Variants in SCN4B observed in about 807,000 individuals in gnomAD.
SCN4B encodes the protein sodium voltage-gated channel beta subunit 4, also known as sodium channel regulatory subunit beta-4.
Under a neutral mutation model 19.6 loss-of-function variants are expected in SCN4B, and 20 were observed. The ratio of observed to expected loss-of-function variants is 1.02; its 90% confidence interval spans 0.72 to 1.48. The LOEUF (loss-of-function observed/expected upper bound fraction) is 1.48, where lower values mean the gene tolerates loss of function less well. SCN4B is among the 40% of genes most tolerant of loss of function. The probability of loss-of-function intolerance (pLI) is 0.00; values close to 1 mark genes in which losing one functional copy is unlikely to be tolerated. For missense variants in SCN4B, 271 were observed against 287.5 expected (o/e 0.94, Z 0.42); for synonymous variants, 127 against 122.8 (o/e 1.03, Z -0.22).
intron 3 of SCN4B, 70 bp from the exon 4 acceptor site, chr11:118,141,406 G>A (rs1164867039): frequency 1.1e-5 from 18 of 1,599,116 alleles, no homozygotes; most frequent in Admixed American, 8.4e-5. Context: ...GCCGAGAACT[G>A]TGGCAGTGCA....
chr11:118,135,328 G>A lies in SCN4B; in HGVS notation c.*1699C>T, dbSNP rs576828422. On this transcript the variant is annotated 3_prime_UTR_variant, in exon 5 of 5. Coordinates refer to ENST00000324727, the MANE Select transcript of SCN4B (RefSeq NM_174934.4). The stretch of plus-strand genomic sequence containing the variant: ...CAGTCTCCCCCCACTCCACCCTTGC[G>A]AGGCTTGCAGCTGCTTTTTGACAGG... 157 of 454,080 alleles carry A rather than the reference G, an allele frequency of 3.5e-4. No homozygotes were observed. The highest frequency in any genetic ancestry group is 2.7e-3 in the African/African-American group (135 of 50,114). 28.1% of individuals were successfully genotyped at this position (454,080 alleles called of 1,614,324 possible).
In SCN4B at chr11:118,134,861, T is replaced by C. The variant is rs774984267; in HGVS notation, c.*2166A>G. On this transcript the variant is annotated 3_prime_UTR_variant, in exon 5 of 5. Transcript: ENST00000324727. Reference sequence around the variant, plus strand: ...CAAGCCTCACAACAGTCCTGTGAGGTAGGTAAGTATTATTACACCCATTTG... The same window carrying C: ...CAAGCCTCACAACAGTCCTGTGAGGCAGGTAAGTATTATTACACCCATTTG... 5.1e-5 allele frequency: 23 copies of C among 453,878 alleles called. No individual in the cohort carries two copies. The highest frequency in any genetic ancestry group is 9.3e-5 in the Non-Finnish European group (21 of 226,778). 28.1% of individuals were successfully genotyped at this position (453,878 alleles called of 1,614,324 possible).
In SCN4B at chr11:118,135,153, A is replaced by G. The variant is rs1210274702; in HGVS notation, c.*1874T>C. 2.2e-6 allele frequency: 1 copy of G among 454,012 alleles called. No homozygotes were observed. Among genetic ancestry groups the G allele is most frequent in the Non-Finnish European group, 4.4e-6 (1 of 226,798 alleles). 28.1% of individuals were successfully genotyped at this position (454,012 alleles called of 1,614,324 possible). A position where few individuals can be genotyped will look rare whatever the true frequency, so the allele number is the denominator to read the frequency against. Reference sequence around the variant, plus strand: ...CTCTGGTCTGTCTGCTCCCAAAGCCAGGAAAATCTGAGCCCCAGCCCATGA... The same window carrying G: ...CTCTGGTCTGTCTGCTCCCAAAGCCGGGAAAATCTGAGCCCCAGCCCATGA... On this transcript the variant is annotated 3_prime_UTR_variant, in exon 5 of 5. Transcript: ENST00000324727.
intron 1 of SCN4B, among the ~76,000 whole-genome samples, 159 bp downstream of exon 1, chr11:118,152,454 A>G (rs1948243326): frequency 1.3e-5 from 2 of 152,182 alleles, no homozygotes; most frequent in Admixed American, 1.3e-4. Context: ...AGCACAGCCT[A>G]TGAACCAGGC....
intron 1 of SCN4B, among the ~76,000 whole-genome samples, chr11:118,151,154 C>T (rs1191048339): frequency 7.1e-6 from 1 of 140,622 alleles, no homozygotes; most frequent in Non-Finnish European, 1.5e-5. Flanking sequence ...ACACACACAT[C>T]ATTTTCAGGG....
chr11:118,146,065 G>C (rs1441609790), intron 1 of SCN4B, among the ~76,000 whole-genome samples: 1 of 151,944 alleles, frequency 6.6e-6, no homozygotes, highest in East Asian at 1.9e-4. Context: ...GAGTGCACGC[G>C]CGCGGGGGCG....
Position 118,145,092 on chromosome 11 carries a change from G to A in SCN4B, c.199C>T (p.Arg67Trp), listed in dbSNP as rs775614261. ...GCGTCACTGCTGTTGTAGGTCCACCGGAAGTGGAGGTCCTCGAAGCCAAAG... is the reference window on the plus strand; with the variant it reads ...GCGTCACTGCTGTTGTAGGTCCACCAGAAGTGGAGGTCCTCGAAGCCAAAG... ...SCFGFEDLHF[R>W]WTYNSSDAFK... Residue 67 changes from arginine (R) to tryptophan (W), a missense_variant, in exon 2 of 5, where the codon CGG (arginine) becomes TGG (tryptophan). By Grantham distance (101) the Arg-to-Trp change is moderately radical. Transcript: ENST00000324727. 3.1e-6 allele frequency: 5 copies of A among 1,614,116 alleles called. No individual in the cohort carries two copies. In the East Asian group the frequency reaches 1.1e-4, roughly 36 times the overall value.
chr11:118,152,379 CA>C (rs998414529), intron 1 of SCN4B, among the ~76,000 whole-genome samples: 21 of 152,084 alleles, frequency 1.4e-4, no homozygotes, highest in Admixed American at 4.6e-4. Flanking sequence ...CCAAGGACAG[CA>C]AAAAAACTAA....
rs1330871264 is a variant in SCN4B, at chr11:118,148,901, A to C, written c.62-3672T>G. Among the ~76,000 whole-genome samples the C allele has an allele frequency of 1.3e-5, 2 of 151,984 alleles. No homozygotes were observed. The highest frequency in any genetic ancestry group is 4.8e-5 in the African/African-American group (2 of 41,326). On this transcript the variant is annotated intron_variant, in intron 1 of 4. Coordinates refer to ENST00000324727, the MANE Select transcript of SCN4B (RefSeq NM_174934.4). The surrounding 1 kb of genome is among the most constrained non-coding windows in gnomAD (Gnocchi z 4.0). ...AAGTGTACGTGTGTGTGTGTGTGAGAGTGGGGGGCCTCTTTCCGGCATTGT... is the reference window on the plus strand; with the variant it reads ...AAGTGTACGTGTGTGTGTGTGTGAGCGTGGGGGGCCTCTTTCCGGCATTGT...
At chr11:118,137,554 C>G (rs574781009) in intron 4 of SCN4B, among the ~76,000 whole-genome samples, 2 of 152,268 alleles carry the variant, frequency 1.3e-5, no homozygotes, top group South Asian at 2.1e-4. Context: ...GCCTATAGTC[C>G]CAGCTACTAG....
At chr11:118,138,468 T>A (rs1020850811) in intron 4 of SCN4B, among the ~76,000 whole-genome samples, 2 of 152,304 alleles carry the variant, frequency 1.3e-5, no homozygotes, top group African/African-American at 2.4e-5. Flanking sequence ...AGACCTCTAT[T>A]CGGATGGATC....
chr11:118,136,955 C>A lies in SCN4B; in HGVS notation c.*72G>T. On this transcript the variant is annotated 3_prime_UTR_variant, in exon 5 of 5. Coordinates refer to ENST00000324727, the MANE Select transcript of SCN4B (RefSeq NM_174934.4). ...AGATGTCTCAGGCACGTGGGTTCTA[C>A]GGTCGGGGCTCAAGCATCAGTTTCA... 9.5e-7 allele frequency: 1 copy of A among 1,056,806 alleles called. No individual in the cohort carries two copies. Among genetic ancestry groups the A allele is most frequent in the Non-Finnish European group, 1.5e-6 (1 of 683,240 alleles). The allele number at this position is 1,056,806 out of a possible 1,614,324, so 65.5% of individuals were successfully genotyped here. A position where few individuals can be genotyped will look rare whatever the true frequency, so the allele number is the denominator to read the frequency against.
chr11:118,140,050 A>C (rs533702056), intron 4 of SCN4B, among the ~76,000 whole-genome samples: 9 of 152,082 alleles, frequency 5.9e-5, no homozygotes, highest in African/African-American at 2.2e-4. Flanking sequence ...CTTGTTTTTG[A>C]TGAACCCACT....
At position 118,135,912 on chromosome 11, in the gene SCN4B, G is replaced by A. The variant is rs974239306; in HGVS notation, c.*1115C>T. On this transcript the variant is annotated 3_prime_UTR_variant, in exon 5 of 5. Coordinates refer to ENST00000324727, the MANE Select transcript of SCN4B (RefSeq NM_174934.4). The stretch of plus-strand genomic sequence containing the variant: ...GGGAGGGGGTGGCCCAGCTGAGCAG[G>A]AAGCAGCTGGGAAACCCAAGGACCC... The A allele has an allele frequency of 2.4e-5, 11 of 454,386 alleles. No homozygotes were observed. The highest frequency in any genetic ancestry group is 2.0e-4 in the African/African-American group (10 of 50,090). The allele number at this position is 454,386 out of a possible 1,614,324, so 28.1% of individuals were successfully genotyped here. A position where few individuals can be genotyped will look rare whatever the true frequency, so the allele number is the denominator to read the frequency against.
chr11:118,147,559 T>C (rs750583884), intron 1 of SCN4B, among the ~76,000 whole-genome samples: 13 of 152,186 alleles, frequency 8.5e-5, no homozygotes, highest in Non-Finnish European at 1.5e-4. Context: ...ACTCCTGCCT[T>C]TCTGTTTACC....
At chr11:118,143,804 A>C (rs764992728) in intron 3 of SCN4B, 29 bp downstream of exon 3, 1 of 1,559,266 alleles carries the variant, frequency 6.4e-7, no homozygotes, top group African/African-American at 1.4e-5. Flanking sequence ...TTCCCACGCC[A>C]CTGCCCTGTG....
chr11:118,140,202 T>C (rs1386422551), intron 4 of SCN4B, among the ~76,000 whole-genome samples: 1 of 152,210 alleles, frequency 6.6e-6, no homozygotes, highest in East Asian at 1.9e-4. Context: ...CCTCTCACGA[T>C]CACCAAAACC....
At chr11:118,151,148 A>G (rs2135509534) in intron 1 of SCN4B, among the ~76,000 whole-genome samples, 1 of 133,960 alleles carries the variant, frequency 7.5e-6, no homozygotes, top group East Asian at 2.1e-4. Flanking sequence ...ACACACACAC[A>G]CACATCATTT....
chr11:118,148,641 A>G lies in SCN4B; in HGVS notation c.62-3412T>C, dbSNP rs1948206633. On this transcript the variant is annotated intron_variant, in intron 1 of 4. Transcript: ENST00000324727. This position sits in a 1 kb window ranked among gnomAD's most constrained non-coding sequence, Gnocchi z 4.0. ...CCGTGAGTGGGCACCCTGCAGGTAGAGGAGGGTGGTATTTGAAAGGGGAGC... is the reference window on the plus strand; with the variant it reads ...CCGTGAGTGGGCACCCTGCAGGTAGGGGAGGGTGGTATTTGAAAGGGGAGC... 6.6e-6 allele frequency among the ~76,000 whole-genome samples: 1 copy of G among 152,126 alleles called. No individual in the cohort carries two copies. Among genetic ancestry groups the G allele is most frequent in the Non-Finnish European group, 1.5e-5 (1 of 68,006 alleles).
Sources: gnomAD v4.1 joint callset for allele counts (sites outside exome capture counted in the v4.1 genomes callset) on GRCh38, gnomAD v4.1.1 for gene constraint, Gnocchi (gnomAD v3.1) non-coding constraint, MANE v1.5 for transcripts, NCBI Gene and HGNC (gene_info 2026-07-23, HGNC 2026-07-21) for gene names.